Variants in ZNF251 observed in about 807,000 individuals in gnomAD.
ZNF251 encodes the protein zinc finger protein 251.
ZNF251 carries 14 observed loss-of-function variants against 13.5 expected under a neutral mutation model. The observed-to-expected ratio is 1.04, with a 90% CI of 0.69 to 1.63. The LOEUF is 1.63. Among genes scored for constraint, ZNF251 ranks in the 40% most tolerant of loss-of-function variants. The pLI, the probability that ZNF251 is intolerant of heterozygous loss-of-function variation, is 0.00. For synonymous variants in ZNF251, 287 were observed against 295.2 expected (o/e 0.97, Z 0.28); for missense variants, 764 against 834.9 (o/e 0.92, Z 1.05).
chr8:144,738,629 T>C, intron 4 of ZNF251: 1 of 985,476 alleles, frequency 1.0e-6, no homozygotes, highest in Non-Finnish European at 1.2e-6. Flanking sequence ...CAAACTGCCT[T>C]CTGCCCATAG....
At chr8:144,735,967 C>T (rs572251736) in intron 4 of ZNF251, among the ~76,000 whole-genome samples, 2 of 152,152 alleles carry the variant, frequency 1.3e-5, no homozygotes, top group Non-Finnish European at 2.9e-5. Flanking sequence ...CCTGGCCCCC[C>T]ACAGCGGGAC....
At chr8:144,738,981 G>A (rs1824030456) in intron 4 of ZNF251, among the ~76,000 whole-genome samples, 1 of 152,062 alleles carries the variant, frequency 6.6e-6, no homozygotes, top group Non-Finnish European at 1.5e-5. Context: ...AGCCCTCCCA[G>A]GGGACTACAA....
intron 4 of ZNF251, among the ~76,000 whole-genome samples, chr8:144,731,072 C>A (rs1234491920): frequency 6.6e-6 from 1 of 152,148 alleles, no homozygotes; most frequent in African/African-American, 2.4e-5. Context: ...GATGGCTCCC[C>A]CGGAGGACCG....
At chr8:144,735,894 G>C (rs1259582960) in intron 4 of ZNF251, among the ~76,000 whole-genome samples, 1 of 152,168 alleles carries the variant, frequency 6.6e-6, no homozygotes, top group Non-Finnish European at 1.5e-5. Context: ...GTGAGACATG[G>C]GCAGCTGCTT....
At chr8:144,737,815 G>C (rs1419175505) in intron 4 of ZNF251, among the ~76,000 whole-genome samples, 1 of 137,650 alleles carries the variant, frequency 7.3e-6, no homozygotes, top group Non-Finnish European at 1.5e-5. Context: ...TCCAGCCTGG[G>C]CAACAGAGCG....
chr8:144,725,430 A>T (rs886571318), intron 4 of ZNF251, among the ~76,000 whole-genome samples: 9 of 152,062 alleles, frequency 5.9e-5, no homozygotes, highest in Non-Finnish European at 1.2e-4. Flanking sequence ...AGCTGGGACT[A>T]CAGGTGTGCA....
Position 144,721,992 on chromosome 8 carries a change from G to A in ZNF251, c.1668C>T (p.Arg556=). The part of the protein sequence containing the change: ...AFNHGANLIL[R]WTVHTGEKSF... Reference sequence around the variant, plus strand: ...ATTTCTCACCAGTGTGAACTGTCCAGCGCAGAATGAGATTTGCACCATGGT... The same window carrying A: ...ATTTCTCACCAGTGTGAACTGTCCAACGCAGAATGAGATTTGCACCATGGT... The change falls in exon 5 of 5, where the codon CGC becomes CGT. Residue 556 remains arginine, a synonymous_variant. Transcript: ENST00000292562. 2.5e-6 allele frequency: 4 copies of A among 1,581,054 alleles called. No individual in the cohort carries two copies. Among genetic ancestry groups the A allele is most frequent in the Non-Finnish European group, 2.6e-6 (3 of 1,163,580 alleles).
chr8:144,736,948 G>T (rs1421697226), intron 4 of ZNF251, among the ~76,000 whole-genome samples: 3 of 151,876 alleles, frequency 2.0e-5, no homozygotes, highest in South Asian at 4.2e-4. Context: ...GATTACAGGC[G>T]CCCACCACCA....
intron 4 of ZNF251, among the ~76,000 whole-genome samples, chr8:144,735,442 G>A (rs1823854273): frequency 6.6e-6 from 1 of 151,660 alleles, no homozygotes; most frequent in South Asian, 2.1e-4. Flanking sequence ...AAAGGGGGCT[G>A]GCCAGCTACT....
At chr8:144,751,877 T>C (rs964087311) in intron 4 of ZNF251, among the ~76,000 whole-genome samples, 1 of 152,086 alleles carries the variant, frequency 6.6e-6, no homozygotes, top group Middle Eastern at 3.2e-3. Context: ...TATACTATGC[T>C]AACAGTAAGT....
chr8:144,725,364 C>T (rs1437129285), intron 4 of ZNF251, among the ~76,000 whole-genome samples: 2 of 151,684 alleles, frequency 1.3e-5, no homozygotes, highest in Non-Finnish European at 2.9e-5. Context: ...GATCACAGCT[C>T]ACTGCAGCCT....
intron 4 of ZNF251, among the ~76,000 whole-genome samples, chr8:144,736,585 G>A (rs1823905747): frequency 6.6e-6 from 1 of 151,792 alleles, no homozygotes; most frequent in Non-Finnish European, 1.5e-5. Flanking sequence ...TCCACCTCCT[G>A]GGTTCAAGTG....
intron 4 of ZNF251, among the ~76,000 whole-genome samples, chr8:144,749,385 T>C (rs1323239609): frequency 2.0e-5 from 3 of 152,078 alleles, no homozygotes; most frequent in African/African-American, 7.2e-5. Context: ...CTTGGGAGGC[T>C]GTGGTGGGAG....
chr8:144,730,119 T>G (rs1823650207), intron 4 of ZNF251: 1 of 985,234 alleles, frequency 1.0e-6, no homozygotes. Flanking sequence ...GGCTGAAAAG[T>G]GCCAAAAGAG....
rs1586676578 is a variant in ZNF251 at position 144,721,470 on chromosome 8, C to T, written c.*174G>A. 9 of 648,890 alleles carry T rather than the reference C, an allele frequency of 1.4e-5. No homozygotes were observed. The East Asian group carries it at 3.1e-4, about 22-fold the overall frequency. The allele number at this position is 648,890 out of a possible 1,614,324, so 40.2% of individuals were successfully genotyped here. A position where few individuals can be genotyped will look rare whatever the true frequency, so the allele number is the denominator to read the frequency against. On this transcript the variant is annotated 3_prime_UTR_variant, in exon 5 of 5. Transcript: ENST00000292562. ...ACCTTTACACAGACAGCCTGATTTC[C>T]CAGAATGAATTCTCGTGTTTACTTC... is the stretch of plus-strand genomic sequence containing the variant.
chr8:144,737,092 C>T (rs375666592), intron 4 of ZNF251, among the ~76,000 whole-genome samples: 31 of 151,898 alleles, frequency 2.0e-4, no homozygotes, highest in Admixed American at 1.8e-3. Context: ...GCGTGAGCCA[C>T]GGCACCCGGC....
At chr8:144,723,558 AT>A (rs1471122888) in intron 4 of ZNF251, among the ~76,000 whole-genome samples, 176 bp from the exon 5 acceptor site, 2 of 152,236 alleles carry the variant, frequency 1.3e-5, no homozygotes, top group African/African-American at 4.8e-5. Flanking sequence ...CAGGATAAAA[AT>A]ATTCAAGTTC....
intron 2 of ZNF251, 132 bp from the exon 3 acceptor site, chr8:144,754,453 C>T: frequency 6.9e-7 from 1 of 1,445,416 alleles, no homozygotes; most frequent in Non-Finnish European, 9.1e-7. Flanking sequence ...ATCAGCAGGT[C>T]CCTGATGGGG....
intron 4 of ZNF251, among the ~76,000 whole-genome samples, chr8:144,723,852 C>T (rs1463847901): frequency 3.9e-5 from 6 of 152,134 alleles, no homozygotes; most frequent in Non-Finnish European, 7.3e-5. Flanking sequence ...GAGATTCAAG[C>T]TGAAACCTGA....
Sources: allele counts gnomAD v4.1 joint callset (sites outside exome capture counted in the v4.1 genomes callset), GRCh38; gene constraint gnomAD v4.1.1; transcripts MANE v1.5; gene names NCBI Gene and HGNC (gene_info 2026-07-23, HGNC 2026-07-21).